Variants in NBAS observed in about 807,000 individuals in gnomAD.
NBAS encodes NAG/BC035112 fusion.
NBAS carries 219 observed loss-of-function variants against 302.5 expected under a neutral mutation model. The ratio of observed to expected loss-of-function variants is 0.72; its 90% CI spans 0.65 to 0.81. NBAS has a LOEUF of 0.81. Among genes scored for constraint, NBAS ranks in the 30% least tolerant of loss-of-function variants. The pLI, the probability that NBAS is intolerant of heterozygous loss-of-function variation, is 0.00. For synonymous variants in NBAS, 1,118 were observed against 1,021.6 expected (o/e 1.09, Z -1.80); for missense variants, 2,932 against 2,841.6 (o/e 1.03, Z -0.72).
chr2:15,184,373 T>G (rs1456910505), intron 50 of NBAS, among the ~76,000 whole-genome samples: 3 of 151,962 alleles, frequency 2.0e-5, no homozygotes, highest in East Asian at 1.9e-4. Context: ...CACTGTAATA[T>G]CTAATGAAAT....
At chr2:15,087,509 A>G in the NBAS span, among the ~76,000 whole-genome samples, 7 of 152,226 alleles carry the variant, frequency 4.6e-5, no homozygotes, top group Non-Finnish European at 1.0e-4. Flanking sequence ...GATAAGGAAG[A>G]TAAAGTGGCC....
rs377423959 is a variant in NBAS at position 15,292,682 on chromosome 2, G to C, written c.4882C>G (p.Leu1628Val). The C allele has an allele frequency of 2.7e-5, 44 of 1,614,094 alleles. No homozygotes were observed. The highest frequency in any genetic ancestry group is 3.6e-5 in the Non-Finnish European group (43 of 1,180,054). ...TTGTAGCAGTGTAACTGCTTGGTCA[G>C]TGAAATAAGGTCTTCAGGCCAGGCT... ...HEAWPEDLIS[L>V]TKQLHCYNER... The change falls in exon 41 of 52, where the codon CTG becomes GTG. Residue 1628 changes from leucine to valine, a missense_variant. By Grantham distance (32) the Leu-to-Val change is conservative (BLOSUM62 1). Transcript: ENST00000281513.
At chr2:14,807,908 C>T in the NBAS span, among the ~76,000 whole-genome samples, 1 of 152,142 alleles carries the variant, frequency 6.6e-6, no homozygotes, top group Non-Finnish European at 1.5e-5. Context: ...TGCTATCCCT[C>T]TCTGTCTCTC....
intron 44 of NBAS, among the ~76,000 whole-genome samples, chr2:15,273,799 G>A (rs556884121): frequency 6.6e-6 from 1 of 152,086 alleles, no homozygotes; most frequent in African/African-American, 2.4e-5. Flanking sequence ...TTATTGGCCG[G>A]GTGCAGTGGC....
intron 31 of NBAS, among the ~76,000 whole-genome samples, chr2:15,368,134 C>A (rs1674302766): frequency 6.7e-6 from 1 of 148,748 alleles, no homozygotes; most frequent in Non-Finnish European, 1.5e-5. Flanking sequence ...GAATAAGTTG[C>A]AAATAACATT....
chr2:15,249,219 G>A lies in NBAS; in HGVS notation c.5725-10533C>T, dbSNP rs577172935. 3.9e-5 allele frequency among the ~76,000 whole-genome samples: 6 copies of A among 152,186 alleles called. No homozygotes were observed. The East Asian group carries it at 1.2e-3, about 29-fold the overall frequency. On this transcript the variant is annotated intron_variant, in intron 44 of 51. Coordinates refer to ENST00000281513, the MANE Select transcript of NBAS (RefSeq NM_015909.4). ...ACAGAACCAATGAAAAAAACCACAT[G>A]ATTATCTCAATAGACGCACCAAAGG...
chr2:15,155,347 A>C, the NBAS span, among the ~76,000 whole-genome samples: 1 of 152,092 alleles, frequency 6.6e-6, no homozygotes, highest in East Asian at 1.9e-4. Flanking sequence ...GCTTCTTCTT[A>C]TTTTTTTCAA....
chr2:15,393,521 C>T (rs1160270887), intron 28 of NBAS: 1 of 374,460 alleles, frequency 2.7e-6, no homozygotes, highest in Non-Finnish European at 5.4e-6. Context: ...CAGTACAAAT[C>T]CTTTAAAAAA....
At chr2:15,054,594 T>C in the NBAS span, among the ~76,000 whole-genome samples, 1 of 152,318 alleles carries the variant, frequency 6.6e-6, no homozygotes, top group African/African-American at 2.4e-5. Context: ...TTATGTGCAC[T>C]GTACCCAATT....
chr2:14,981,248 C>T, the NBAS span, among the ~76,000 whole-genome samples: 2 of 152,128 alleles, frequency 1.3e-5, no homozygotes, highest in African/African-American at 4.8e-5. Context: ...ATCTTCCAGT[C>T]TGCAGAGAGA....
At chr2:14,939,244 T>C in the NBAS span, among the ~76,000 whole-genome samples, 1 of 152,274 alleles carries the variant, frequency 6.6e-6, no homozygotes, top group East Asian at 1.9e-4. Flanking sequence ...TTCTGTTCTA[T>C]TACATGTAGC....
intron 11 of NBAS, among the ~76,000 whole-genome samples, chr2:15,496,396 A>T (rs1681073935): frequency 6.6e-6 from 1 of 152,188 alleles, no homozygotes; most frequent in African/African-American, 2.4e-5. Flanking sequence ...TTTAAAATTG[A>T]TTCTTGAAAT....
intron 10 of NBAS, among the ~76,000 whole-genome samples, chr2:15,506,826 T>C (rs978451630): frequency 2.6e-5 from 4 of 152,164 alleles, no homozygotes; most frequent in Admixed American, 2.6e-4. Flanking sequence ...CAGAATAAGC[T>C]GATTTTTGTA....
intron 21 of NBAS, among the ~76,000 whole-genome samples, chr2:15,430,207 G>T (rs1199760419): frequency 6.6e-6 from 1 of 152,174 alleles, no homozygotes; most frequent in African/African-American, 2.4e-5. Flanking sequence ...GGTATGTAGA[G>T]ACTAGTAAGT....
At chr2:15,493,881 C>T (rs1237906445) in intron 11 of NBAS, among the ~76,000 whole-genome samples, 1 of 142,024 alleles carries the variant, frequency 7.0e-6, no homozygotes, top group South Asian at 2.2e-4. Context: ...TGCCGGAGTA[C>T]AGTGGTGCAA....
At chr2:15,516,628 C>T (rs1161312061) in intron 9 of NBAS, among the ~76,000 whole-genome samples, 1 of 151,542 alleles carries the variant, frequency 6.6e-6, no homozygotes, top group Non-Finnish European at 1.5e-5. Flanking sequence ...GATACTGAGG[C>T]ACCAGAATCG....
chr2:15,354,575 G>A (rs1195384526), intron 33 of NBAS, among the ~76,000 whole-genome samples: 2 of 152,108 alleles, frequency 1.3e-5, no homozygotes, highest in South Asian at 2.1e-4. Flanking sequence ...AAAATCACTC[G>A]GTTAATATTA....
chr2:14,803,313 T>C, the NBAS span, among the ~76,000 whole-genome samples: 1 of 152,224 alleles, frequency 6.6e-6, no homozygotes, highest in Non-Finnish European at 1.5e-5. Flanking sequence ...CTCACATACA[T>C]GTGCTGATTA....
At chr2:15,528,903 G>GTATATATATATATATGTGTATA (rs1406917459) in intron 9 of NBAS, among the ~76,000 whole-genome samples, 1 of 141,840 alleles carries the variant, frequency 7.1e-6, no homozygotes, top group African/African-American at 2.6e-5. Flanking sequence ...ATATATGTGT[G>GTATATATATATATATGTGTATA]TATATATATA....
Sources: allele counts gnomAD v4.1 joint callset (sites outside exome capture counted in the v4.1 genomes callset), GRCh38; gene constraint gnomAD v4.1.1; transcripts MANE v1.5; gene names NCBI Gene and HGNC (gene_info 2026-07-23, HGNC 2026-07-21).